The following PCNX2 variants were observed in gnomAD, a reference collection of about 807,000 sequenced individuals.
The protein encoded by PCNX2 is pecanex 2.
A neutral mutation model predicts 223.8 loss-of-function variants in PCNX2; 168 were observed. That is an observed-to-expected ratio of 0.75 (90% CI 0.66 to 0.85). PCNX2 has a LOEUF of 0.85. Among genes scored for constraint, PCNX2 ranks in the 40% least tolerant of loss-of-function variants. PCNX2 has a pLI of 0.00. For missense variants in PCNX2, 2,507 were observed against 2,675.5 expected, an observed-to-expected ratio of 0.94 and a Z score of 1.39; for synonymous variants, 1,006 against 1,052.6, an observed-to-expected ratio of 0.96 and a Z score of 0.86.
chr1:233,314,616 C>T, the PCNX2 span, among the ~76,000 whole-genome samples: 1 of 151,782 alleles, frequency 6.6e-6, no homozygotes, highest in African/African-American at 2.4e-5. Context: ...GTTTTCAGTA[C>T]CAAAGTTAAT....
intron 22 of PCNX2, among the ~76,000 whole-genome samples, chr1:233,091,584 G>A (rs557587389): frequency 2.0e-5 from 3 of 151,846 alleles, no homozygotes; most frequent in African/African-American, 2.4e-5. Context: ...TTAAAAAAAC[G>A]TAGCCAGGCA....
chr1:233,224,619 T>C (rs749067338), intron 10 of PCNX2, among the ~76,000 whole-genome samples: 2 of 152,192 alleles, frequency 1.3e-5, no homozygotes, highest in Non-Finnish European at 2.9e-5. Context: ...TTGGGGATTA[T>C]GCTCTCCTTG....
At chr1:233,091,486 A>G (rs1673868434) in intron 22 of PCNX2, among the ~76,000 whole-genome samples, 1 of 152,154 alleles carries the variant, frequency 6.6e-6, no homozygotes, top group African/African-American at 2.4e-5. Context: ...ATTCCCTAAC[A>G]GCCCTATTTA....
intron 23 of PCNX2, among the ~76,000 whole-genome samples, chr1:233,067,811 A>C (rs576924538): frequency 2.0e-5 from 3 of 152,282 alleles, no homozygotes; most frequent in Admixed American, 1.3e-4. Context: ...CCAACAGCAG[A>C]ATGAAGGGAA....
intron 23 of PCNX2, among the ~76,000 whole-genome samples, chr1:233,063,171 G>T (rs1403690985): frequency 6.6e-6 from 1 of 152,146 alleles, no homozygotes; most frequent in Non-Finnish European, 1.5e-5. Flanking sequence ...TGGGAGGCGA[G>T]GCTGCAGTGA....
the PCNX2 span, among the ~76,000 whole-genome samples, chr1:233,315,970 A>G: frequency 3.3e-5 from 5 of 152,182 alleles, no homozygotes; most frequent in South Asian, 6.2e-4. Context: ...ACTCAGGGTA[A>G]ATGGCAGCCT....
intron 21 of PCNX2, among the ~76,000 whole-genome samples, chr1:233,132,666 C>T (rs1316548551): frequency 1.3e-5 from 2 of 152,198 alleles, no homozygotes; most frequent in East Asian, 3.9e-4. Flanking sequence ...CACAGTGTGT[C>T]ACTTCCTTTT....
chr1:233,151,225 A>T (rs1677786526), intron 19 of PCNX2, among the ~76,000 whole-genome samples: 1 of 152,190 alleles, frequency 6.6e-6, no homozygotes, highest in African/African-American at 2.4e-5. Flanking sequence ...TATTTTCTCC[A>T]TGGCCTATCC....
chr1:233,076,754 T>C (rs1244102026), intron 23 of PCNX2, among the ~76,000 whole-genome samples: 30 of 152,242 alleles, frequency 2.0e-4, no homozygotes, highest in Admixed American at 2.0e-3. Flanking sequence ...TGACTAAACT[T>C]ATAAATGAAG....
At chr1:233,076,137 T>G (rs572820153) in intron 23 of PCNX2, among the ~76,000 whole-genome samples, 13 of 152,340 alleles carry the variant, frequency 8.5e-5, no homozygotes, top group African/African-American at 3.1e-4. Flanking sequence ...TCCCCCAAGT[T>G]TAATTTGACT....
chr1:233,311,810 A>G, the PCNX2 span, among the ~76,000 whole-genome samples: 1 of 152,202 alleles, frequency 6.6e-6, no homozygotes, highest in Admixed American at 6.5e-5. Context: ...AGAAAATACA[A>G]AAACAAATAG....
chr1:233,113,959 T>C (rs140114439), intron 21 of PCNX2, among the ~76,000 whole-genome samples: 1 of 152,220 alleles, frequency 6.6e-6, no homozygotes, highest in Admixed American at 6.5e-5. Flanking sequence ...TTTTATTTCA[T>C]ATCTACTCTG....
intron 1 of PCNX2, among the ~76,000 whole-genome samples, chr1:233,277,550 T>C (rs1317464267): frequency 6.8e-6 from 1 of 146,484 alleles, no homozygotes; most frequent in Non-Finnish European, 1.5e-5. Flanking sequence ...TTAACATCGG[T>C]AAAGTAGTAT....
intron 21 of PCNX2, among the ~76,000 whole-genome samples, chr1:233,120,495 G>A (rs1357782585): frequency 6.6e-6 from 1 of 152,194 alleles, no homozygotes; most frequent in Non-Finnish European, 1.5e-5. Flanking sequence ...TGTATTCCTG[G>A]TGGAAATATT....
At chr1:233,056,499 T>C (rs1291793970) in intron 24 of PCNX2, among the ~76,000 whole-genome samples, 3 of 152,196 alleles carry the variant, frequency 2.0e-5, no homozygotes, top group Non-Finnish European at 4.4e-5. Flanking sequence ...CTCAGAGATA[T>C]CAGTACCTCT....
In PCNX2 at chr1:233,208,518, C is replaced by T. The variant is rs368175452; in HGVS notation, c.2863G>A (p.Val955Ile). The part of the protein sequence containing the change: ...FLQSARDYLI[V>I]FLYCFPAISL... Reference sequence around the variant, plus strand: ...CCCCACAACCCCATAATTAACTCACCTATTAAGTAGTCCCTAGCTGATTGT... The same window carrying T: ...CCCCACAACCCCATAATTAACTCACTTATTAAGTAGTCCCTAGCTGATTGT... Residue 955 changes from valine (V) to isoleucine (I), a missense_variant and splice_region_variant, in exon 13 of 34, where the codon GTA becomes ATA. Coordinates refer to ENST00000258229, the MANE Select transcript of PCNX2 (RefSeq NM_014801.4). 6.2e-7 allele frequency: 1 copy of T among 1,612,292 alleles called. No homozygotes were observed. The highest frequency in any genetic ancestry group is 8.5e-7 in the Non-Finnish European group (1 of 1,178,754).
At chr1:233,142,948 C>T (rs1458107919) in intron 19 of PCNX2, among the ~76,000 whole-genome samples, 3 of 152,152 alleles carry the variant, frequency 2.0e-5, no homozygotes, top group Non-Finnish European at 2.9e-5. Flanking sequence ...CATCTGCTTT[C>T]CTTCTCCCCC....
chr1:233,169,298 A>AT (rs1678990936), intron 17 of PCNX2, among the ~76,000 whole-genome samples: 1 of 152,046 alleles, frequency 6.6e-6, no homozygotes, highest in South Asian at 2.1e-4. Context: ...TATATTTTGG[A>AT]TAAATATTTG....
In PCNX2 at chr1:233,042,972, G is replaced by A. The variant is rs138257368; in HGVS notation, c.4351+11296C>T. On this transcript the variant is annotated intron_variant, in intron 25 of 33. Coordinates refer to ENST00000258229, the MANE Select transcript of PCNX2 (RefSeq NM_014801.4). Reference sequence around the variant, plus strand: ...AGTCCTGGTTAAGAGACAGCCATGCGGGTTTGACTAGCTCTACCTCTAACT... The same window carrying A: ...AGTCCTGGTTAAGAGACAGCCATGCAGGTTTGACTAGCTCTACCTCTAACT... Among the ~76,000 whole-genome samples the A allele has an allele frequency of 8.3e-3, 1,264 of 152,282 alleles. 18 individuals are homozygous for A. Among genetic ancestry groups the A allele is most frequent in the African/African-American group, 0.028 (1,164 of 41,540 alleles).
Sources: gnomAD v4.1 joint callset for allele counts (sites outside exome capture counted in the v4.1 genomes callset) on GRCh38, gnomAD v4.1.1 for gene constraint, MANE v1.5 for transcripts, NCBI Gene and HGNC (gene_info 2026-07-23, HGNC 2026-07-21) for gene names.